ROBO1: variants seen among roughly 807,000 people sequenced by gnomAD.
The protein encoded by ROBO1 is roundabout guidance receptor 1.
Under a neutral mutation model 195.9 loss-of-function variants are expected in ROBO1, and 149 were observed. The observed-to-expected ratio is 0.76, with a 90% CI of 0.67 to 0.87. ROBO1 has a LOEUF of 0.87. ROBO1 is among the 40% of genes least tolerant of loss of function. The probability of loss-of-function intolerance (pLI) is 0.00; values close to 1 mark genes in which losing one functional copy is unlikely to be tolerated. For missense variants in ROBO1, 1,933 were observed against 2,068.3 expected (o/e 0.93, Z 1.27); for synonymous variants, 816 against 733.2 (o/e 1.11, Z -1.82).
At chr3:78,999,188 T>A (rs1465422548) in intron 3 of ROBO1, among the ~76,000 whole-genome samples, 1 of 152,012 alleles carries the variant, frequency 6.6e-6, no homozygotes, top group Non-Finnish European at 1.5e-5. Flanking sequence ...AGAACAGAAC[T>A]ACTATTCAAG....
intron 2 of ROBO1, among the ~76,000 whole-genome samples, chr3:79,240,924 T>C (rs958176542): frequency 3.3e-5 from 5 of 152,206 alleles, no homozygotes; most frequent in Non-Finnish European, 7.3e-5. Flanking sequence ...ATTATAGGCA[T>C]GAACACCTTG....
At position 79,651,240 on chromosome 3, in the gene ROBO1, G is replaced by A. The variant is rs72893905; in HGVS notation, c.-50-61279C>T. Among the ~76,000 whole-genome samples, 990 of 152,186 alleles carry A rather than the reference G, an allele frequency of 6.5e-3. 10 individuals are homozygous for A. The highest frequency in any genetic ancestry group is 0.022 in the African/African-American group (932 of 41,538). ...AGAAGGGAATCACAAGGAGGAGTTT[G>A]TAGGAGGCTCCAACTGTATTCCTAA... On this transcript the variant is annotated intron_variant, in intron 1 of 30. Coordinates refer to ENST00000464233, the MANE Select transcript of ROBO1 (RefSeq NM_002941.4).
At chr3:79,741,004 C>T (rs1359610287) in intron 1 of ROBO1, among the ~76,000 whole-genome samples, 1 of 152,120 alleles carries the variant, frequency 6.6e-6, no homozygotes, top group Non-Finnish European at 1.5e-5. Flanking sequence ...GCAGATTGTT[C>T]AGTCAAAAGT....
chr3:79,090,431 C>T (rs985544971), intron 3 of ROBO1, among the ~76,000 whole-genome samples: 4 of 151,750 alleles, frequency 2.6e-5, no homozygotes, highest in Non-Finnish European at 5.9e-5. Flanking sequence ...CCCTTCCCTT[C>T]CCTCCTCTTC....
intron 4 of ROBO1, among the ~76,000 whole-genome samples, chr3:78,766,316 C>T (rs897012308): frequency 1.3e-5 from 2 of 152,120 alleles, no homozygotes; most frequent in African/African-American, 4.8e-5. Context: ...GCAATTCTTC[C>T]TAGAAGAATA....
intron 17 of ROBO1, among the ~76,000 whole-genome samples, chr3:78,658,497 G>A (rs1707178315): frequency 6.6e-6 from 1 of 152,144 alleles, no homozygotes; most frequent in African/African-American, 2.4e-5. Context: ...CACTGTGTTG[G>A]CCAGGCCGGC....
intron 1 of ROBO1, among the ~76,000 whole-genome samples, chr3:79,650,652 T>C (rs1385444259): frequency 2.0e-5 from 3 of 151,754 alleles, no homozygotes; most frequent in East Asian, 1.9e-4. Context: ...TAAATTCTAA[T>C]ACATTTTAGG....
chr3:78,743,334 A>G (rs2082577657), intron 5 of ROBO1, among the ~76,000 whole-genome samples: 1 of 151,764 alleles, frequency 6.6e-6, no homozygotes, highest in Non-Finnish European at 1.5e-5. Context: ...AATCCTCATC[A>G]TTACTCCATC....
At chr3:79,657,245 A>C (rs2106796170) in intron 1 of ROBO1, among the ~76,000 whole-genome samples, 1 of 152,262 alleles carries the variant, frequency 6.6e-6, no homozygotes, top group Non-Finnish European at 1.5e-5. Flanking sequence ...ATATACATAC[A>C]TAATCTCAAA....
chr3:79,511,844 C>A (rs1940722720), intron 2 of ROBO1, among the ~76,000 whole-genome samples: 1 of 152,112 alleles, frequency 6.6e-6, no homozygotes, highest in Non-Finnish European at 1.5e-5. Flanking sequence ...ACTGCCTGTT[C>A]ACACTTAGAA....
rs368554060 is a variant in ROBO1, at chr3:78,627,440, G to A, written c.3756C>T (p.Ala1252=). The A allele has an allele frequency of 1.1e-5, 18 of 1,612,994 alleles. No homozygotes were observed. Among genetic ancestry groups the A allele is most frequent in the Middle Eastern group, 1.7e-4 (1 of 6,060 alleles). The change falls in exon 26 of 31, where the codon GCC becomes GCT. Residue 1252 remains alanine, a synonymous_variant. Coordinates refer to ENST00000464233, the MANE Select transcript of ROBO1 (RefSeq NM_002941.4). Reference sequence around the variant, plus strand: ...CAGTGGACTGATGGCTATAGGACACGGCAGCTGGAGAAGAAGCTGCTCCCC... The same window carrying A: ...CAGTGGACTGATGGCTATAGGACACAGCAGCTGGAGAAGAAGCTGCTCCCC... ...PVRGAASSPA[A]VSYSHQSTAT...
intron 2 of ROBO1, among the ~76,000 whole-genome samples, chr3:79,478,631 CT>C (rs1331374243): frequency 6.6e-6 from 1 of 152,054 alleles, no homozygotes; most frequent in Non-Finnish European, 1.5e-5. Flanking sequence ...CAGTTTCTGC[CT>C]TTTTATTTTA....
intron 20 of ROBO1, among the ~76,000 whole-genome samples, chr3:78,646,851 A>G (rs963388677): frequency 2.0e-5 from 3 of 151,974 alleles, no homozygotes; most frequent in Non-Finnish European, 4.4e-5. Context: ...TAAATTTGGG[A>G]TGGAAAAATT....
chr3:79,529,568 A>T lies in ROBO1; in HGVS notation c.88+60256T>A, dbSNP rs147270963. On this transcript the variant is annotated intron_variant, in intron 2 of 30. Coordinates refer to ENST00000464233, the MANE Select transcript of ROBO1 (RefSeq NM_002941.4). ...TATTAAGTAAAATAAGGGTTATTTGAGCACAAGCACTGCAACACTGTGACA... is the reference window on the plus strand; with the variant it reads ...TATTAAGTAAAATAAGGGTTATTTGTGCACAAGCACTGCAACACTGTGACA... Among the ~76,000 whole-genome samples, 77 of 152,372 alleles carry T rather than the reference A, an allele frequency of 5.1e-4. No homozygotes were observed. The East Asian group carries it at 0.012, about 23-fold the overall frequency.
At chr3:78,686,113 C>T (rs184122789) in intron 9 of ROBO1, among the ~76,000 whole-genome samples, 196 bp from the exon 10 acceptor site, 16 of 152,074 alleles carry the variant, frequency 1.1e-4, no homozygotes, top group Admixed American at 9.8e-4. Context: ...ATATACATGT[C>T]CATGCATGTA....
chr3:79,606,117 T>C (rs1450120254), intron 1 of ROBO1, among the ~76,000 whole-genome samples: 2 of 150,946 alleles, frequency 1.3e-5, no homozygotes, highest in Non-Finnish European at 2.9e-5. Flanking sequence ...AGAGCTTTAA[T>C]TTACTCATTT....
intron 4 of ROBO1, among the ~76,000 whole-genome samples, chr3:78,889,691 A>G (rs2036774498): frequency 6.6e-6 from 1 of 151,500 alleles, no homozygotes; most frequent in Admixed American, 6.6e-5. Flanking sequence ...GGGTGGAAGG[A>G]ATATAGAAAA....
At chr3:79,164,345 CAGA>C (rs1312930799) in intron 2 of ROBO1, among the ~76,000 whole-genome samples, 4 of 152,086 alleles carry the variant, frequency 2.6e-5, no homozygotes, top group African/African-American at 4.8e-5. Context: ...GGAAATCTAT[CAGA>C]AGGACACATA....
intron 4 of ROBO1, among the ~76,000 whole-genome samples, chr3:78,802,758 T>C (rs892280675): frequency 4.0e-5 from 6 of 151,758 alleles, no homozygotes; most frequent in Admixed American, 3.9e-4. Flanking sequence ...ATCAATAACA[T>C]TATCAACAAT....
Sources: gnomAD v4.1 joint callset for allele counts (sites outside exome capture counted in the v4.1 genomes callset) on GRCh38, gnomAD v4.1.1 for gene constraint, MANE v1.5 for transcripts, NCBI Gene and HGNC (gene_info 2026-07-23, HGNC 2026-07-21) for gene names.